The following IL1RAPL2 variants were observed in gnomAD, a reference collection of about 807,000 sequenced individuals.
IL1RAPL2 encodes X-linked interleukin-1 receptor accessory protein-like 2.
A neutral mutation model predicts 44.1 loss-of-function variants in IL1RAPL2; 3 were observed. The ratio of observed to expected loss-of-function variants is 0.07; its 90% confidence interval spans 0.03 to 0.18. IL1RAPL2 has a LOEUF of 0.18. Ranked by LOEUF, IL1RAPL2 falls within the 10% of genes least tolerant of loss-of-function variation. The pLI is 1.00. For synonymous variants in IL1RAPL2, 181 were observed against 178.8 expected, an observed-to-expected ratio of 1.01 and a Z score of -0.10; for missense variants, 391 against 496.4, an observed-to-expected ratio of 0.79 and a Z score of 2.02.
chrX:104,834,852 G>C (rs1395841854), intron 2 of IL1RAPL2, among the ~76,000 whole-genome samples: 2 of 111,553 alleles, frequency 1.8e-5, no homozygotes, highest in African/African-American at 6.5e-5. Flanking sequence ...ACAAGAAAAA[G>C]CAAGCTGCTT....
intron 1 of IL1RAPL2, among the ~76,000 whole-genome samples, chrX:104,615,951 T>C (rs1929267811): frequency 8.9e-6 from 1 of 112,411 alleles, no homozygotes; most frequent in Non-Finnish European, 1.9e-5. Context: ...CTCATTGTGG[T>C]TTTGATTTGC....
chrX:104,810,839 T>G (rs979501498), intron 2 of IL1RAPL2, among the ~76,000 whole-genome samples: 1 of 112,335 alleles, frequency 8.9e-6, no homozygotes, highest in African/African-American at 3.2e-5. Context: ...TACATACACA[T>G]GGCATGATTT....
chrX:104,599,914 G>A (rs1928845931), intron 1 of IL1RAPL2, among the ~76,000 whole-genome samples: 1 of 110,908 alleles, frequency 9.0e-6, no homozygotes, highest in Admixed American at 9.7e-5. Context: ...AGTCTCAGGT[G>A]TATGTTAATA....
chrX:105,617,236 T>C (rs1031890300), intron 6 of IL1RAPL2, among the ~76,000 whole-genome samples: 1 of 111,092 alleles, frequency 9.0e-6, no homozygotes, highest in African/African-American at 3.3e-5. Flanking sequence ...TCTACAGATA[T>C]TGAATGGCCA....
chrX:104,814,685 A>G (rs1412413682), intron 2 of IL1RAPL2, among the ~76,000 whole-genome samples: 1 of 112,329 alleles, frequency 8.9e-6, no homozygotes, highest in Non-Finnish European at 1.9e-5. Flanking sequence ...TTCTACTGGT[A>G]GACCTGTATG....
chrX:105,570,845 C>T (rs1487732291), intron 6 of IL1RAPL2, among the ~76,000 whole-genome samples: 1 of 111,556 alleles, frequency 9.0e-6, no homozygotes, highest in African/African-American at 3.3e-5. Flanking sequence ...TGGCAGTGAT[C>T]ACAATGCCAT....
chrX:104,907,221 C>T (rs756650739), intron 2 of IL1RAPL2, among the ~76,000 whole-genome samples: 2 of 111,523 alleles, frequency 1.8e-5, no homozygotes, highest in African/African-American at 3.3e-5. Context: ...TGCTAACAGT[C>T]TATCTATTTT....
intron 5 of IL1RAPL2, among the ~76,000 whole-genome samples, chrX:105,396,353 C>T (rs1004158961): frequency 7.6e-5 from 8 of 105,706 alleles, no homozygotes; most frequent in African/African-American, 2.7e-4. Flanking sequence ...GATGACTTTA[C>T]GGTAATCAGG....
intron 1 of IL1RAPL2, among the ~76,000 whole-genome samples, chrX:104,650,456 C>T (rs1010207003): frequency 9.0e-6 from 1 of 110,796 alleles, no homozygotes; most frequent in Non-Finnish European, 1.9e-5. Context: ...ATGTTGGGAG[C>T]CCAGTGGTCA....
At chrX:104,907,139 A>G (rs1191389914) in intron 2 of IL1RAPL2, among the ~76,000 whole-genome samples, 12 of 111,199 alleles carry the variant, frequency 1.1e-4, no homozygotes, top group Middle Eastern at 4.7e-3. Flanking sequence ...CTGTGGGATC[A>G]GTGGTGATAT....
At chrX:105,007,325 T>G (rs1252690504) in intron 2 of IL1RAPL2, among the ~76,000 whole-genome samples, 4 of 111,584 alleles carry the variant, frequency 3.6e-5, no homozygotes, top group African/African-American at 1.3e-4. Flanking sequence ...ATTTTGTAGA[T>G]GTGGAAACTA....
intron 2 of IL1RAPL2, among the ~76,000 whole-genome samples, chrX:104,998,602 C>T (rs1432574868): frequency 1.8e-5 from 2 of 109,636 alleles, no homozygotes; most frequent in African/African-American, 3.3e-5. Flanking sequence ...AGTGAAACAC[C>T]GTATTTACAA....
chrX:104,818,178 A>G (rs991805673), intron 2 of IL1RAPL2, among the ~76,000 whole-genome samples: 3 of 108,475 alleles, frequency 2.8e-5, no homozygotes, highest in Admixed American at 2.0e-4. Context: ...CCCCGTCTCT[A>G]CTAAAAATAC....
At chrX:105,027,982 G>A (rs1458079543) in intron 2 of IL1RAPL2, among the ~76,000 whole-genome samples, 2 of 111,832 alleles carry the variant, frequency 1.8e-5, no homozygotes, top group African/African-American at 3.2e-5. Context: ...ATACACAATA[G>A]AGCACTATTC....
intron 2 of IL1RAPL2, among the ~76,000 whole-genome samples, chrX:104,790,603 G>A (rs1932820643): frequency 9.1e-6 from 1 of 109,816 alleles, no homozygotes; most frequent in African/African-American, 3.3e-5. Flanking sequence ...AAAGAAAACT[G>A]CTTTTTATTT....
intron 6 of IL1RAPL2, among the ~76,000 whole-genome samples, chrX:105,683,837 A>G (rs778767067): frequency 4.4e-5 from 5 of 112,467 alleles, no homozygotes; most frequent in African/African-American, 1.6e-4. Context: ...ACAACTTTCT[A>G]CAGTCATACT....
intron 5 of IL1RAPL2, among the ~76,000 whole-genome samples, chrX:105,387,123 T>C (rs2035481860): frequency 9.2e-6 from 1 of 108,589 alleles, no homozygotes; most frequent in Non-Finnish European, 1.9e-5. Flanking sequence ...CAAGGAAGAG[T>C]GTTACTCAAA....
intron 2 of IL1RAPL2, among the ~76,000 whole-genome samples, chrX:104,732,271 T>C (rs1448577112): frequency 9.1e-6 from 1 of 109,783 alleles, no homozygotes; most frequent in East Asian, 2.9e-4. Context: ...GGGAAGGAAA[T>C]AGAAGTAGAA....
At chrX:105,218,274 C>T (rs1387027180) in intron 3 of IL1RAPL2, among the ~76,000 whole-genome samples, 5 of 111,251 alleles carry the variant, frequency 4.5e-5, no homozygotes, top group East Asian at 2.9e-4. Context: ...CCTGGAACCA[C>T]GTACTAGTGA....
Sources: allele counts gnomAD v4.1 joint callset (sites outside exome capture counted in the v4.1 genomes callset), GRCh38; gene constraint gnomAD v4.1.1; transcripts MANE v1.5; gene names NCBI Gene and HGNC (gene_info 2026-07-23, HGNC 2026-07-21).